The following SHB variants were observed in gnomAD, a reference collection of about 807,000 sequenced individuals.
SHB encodes SH2 domain-containing adapter protein B.
Under a neutral mutation model 52.3 loss-of-function variants are expected in SHB, and 20 were observed. The observed-to-expected ratio is 0.38, with a 90% CI of 0.27 to 0.56. The LOEUF is 0.56. Ranked by LOEUF, SHB falls within the 20% of genes least tolerant of loss-of-function variation. The probability of loss-of-function intolerance (pLI) is 0.71; values close to 1 mark genes in which losing one functional copy is unlikely to be tolerated. For synonymous variants in SHB, 397 were observed against 316.5 expected (o/e 1.25, Z -2.70); for missense variants, 825 against 723.3 (o/e 1.14, Z -1.61).
intron 2 of SHB, among the ~76,000 whole-genome samples, chr9:37,975,978 G>C (rs944712679): frequency 1.3e-5 from 2 of 152,200 alleles, no homozygotes; most frequent in African/African-American, 4.8e-5. Flanking sequence ...GAACGTGCTT[G>C]CTGCCTACTT....
In SHB at chr9:38,068,096, G is replaced by A. The variant is rs962381538; in HGVS notation, c.550C>T (p.Arg184Cys). 1.3e-6 allele frequency: 2 copies of A among 1,484,778 alleles called. No homozygotes were observed. Among genetic ancestry groups the A allele is most frequent in the African/African-American group, 1.5e-5 (1 of 68,212 alleles). 92.0% of individuals were successfully genotyped at this position (1,484,778 alleles called of 1,614,324 possible). Residue 184 changes from arginine (R) to cysteine (C), a missense_variant, in exon 1 of 6, where the codon CGC (arginine) becomes TGC (cysteine). Physicochemically the swap from Arg to Cys is radical, Grantham distance 180. Transcript: ENST00000377707. The stretch of plus-strand genomic sequence containing the variant: ...GCGGCGCTCTCCACTTTGATGAGGC[G>A]GTGCTTGGGGGAGATGTAGCGCACC... ...AEVRYISPKH[R>C]LIKVESAAGG...
intron 1 of SHB, among the ~76,000 whole-genome samples, chr9:38,062,220 T>C (rs1263940673): frequency 6.6e-6 from 1 of 152,238 alleles, no homozygotes; most frequent in Non-Finnish European, 1.5e-5. Context: ...AACTCAAGAC[T>C]GCACTGGTGT....
intron 3 of SHB, among the ~76,000 whole-genome samples, chr9:37,973,421 C>T (rs993171933): frequency 6.6e-6 from 1 of 152,112 alleles, no homozygotes. Flanking sequence ...TAGGGTTTCT[C>T]CATGTTGGTC....
Position 37,948,726 on chromosome 9 carries a change from C to G in SHB, c.1255G>C (p.Asp419His), listed in dbSNP as rs1178500649. 6.2e-7 allele frequency: 1 copy of G among 1,613,934 alleles called. No homozygotes were observed. ...CAGAGTCGCAGCAGGTTCTCGGCGT[C>G]TCCTCTGCTGATGGCTCCGTGATAC... ...IWYHGAISRG[D>H]AENLLRLCKE... Residue 419 changes from aspartate (D) to histidine (H), a missense_variant, in exon 5 of 6, where the codon GAC (aspartate) becomes CAC (histidine). By Grantham distance (81) the Asp-to-His change is moderately conservative. Coordinates refer to ENST00000377707, the MANE Select transcript of SHB (RefSeq NM_003028.3).
intron 1 of SHB, among the ~76,000 whole-genome samples, chr9:38,046,545 T>A (rs938202996): frequency 2.0e-5 from 3 of 152,202 alleles, no homozygotes; most frequent in Non-Finnish European, 1.5e-5. Flanking sequence ...GGGTGGTCAA[T>A]CTTCCATACT....
At chr9:37,954,869 G>A (rs1466541918) in intron 4 of SHB, among the ~76,000 whole-genome samples, 2 of 152,120 alleles carry the variant, frequency 1.3e-5, no homozygotes, top group East Asian at 3.9e-4. Flanking sequence ...ATTTGGCAGA[G>A]CAGGGAGATG....
rs1822014613 is a variant in SHB, at chr9:38,068,770, C to A, written c.-125G>T. ...CGGCGGGGGGCGTCCGGGGCGCCCG[C>A]TCCCGACGCCAAGTTCAAGTTCTTG... On this transcript the variant is annotated 5_prime_UTR_variant, in exon 1 of 6. Transcript: ENST00000377707. 8.2e-6 allele frequency: 2 copies of A among 243,582 alleles called. No homozygotes were observed. Among genetic ancestry groups the A allele is most frequent in the Admixed American group, 6.3e-5 (1 of 15,980 alleles). 15.1% of individuals were successfully genotyped at this position (243,582 alleles called of 1,614,324 possible).
At chr9:37,948,538 A>T in intron 5 of SHB, 97 bp downstream of exon 5, 2 of 1,463,412 alleles carry the variant, frequency 1.4e-6, no homozygotes, top group Non-Finnish European at 1.9e-6. Flanking sequence ...CAAGTTTCCC[A>T]GGGGACACTG....
At chr9:38,039,112 T>G (rs1231729739) in intron 1 of SHB, among the ~76,000 whole-genome samples, 1 of 152,168 alleles carries the variant, frequency 6.6e-6, no homozygotes, top group Non-Finnish European at 1.5e-5. Flanking sequence ...AACATTTTCT[T>G]CCCCGGAAAA....
rs199557662 is a variant in SHB, at chr9:37,923,789, TC to T, written c.1347-3786del. On this transcript the variant is annotated intron_variant, in intron 5 of 5. Coordinates refer to ENST00000377707, the MANE Select transcript of SHB (RefSeq NM_003028.3). ...AAGCAGCCTGGGGGTCACCTCTCAC[TC>T]CCCTGGGGTACCGTGGAGGAAACTG... 8.5e-3 allele frequency among the ~76,000 whole-genome samples: 1,290 copies of T among 152,184 alleles called. 10 individuals carry two copies. Among genetic ancestry groups the T allele is most frequent in the Admixed American group, 0.029 (450 of 15,302 alleles).
intron 4 of SHB, 35 bp downstream of exon 4, chr9:37,955,848 G>C: frequency 6.3e-7 from 1 of 1,594,800 alleles, no homozygotes; most frequent in Non-Finnish European, 8.6e-7. Context: ...AGGTGAACTG[G>C]GAGGTGAGGT....
intron 2 of SHB, among the ~76,000 whole-genome samples, chr9:38,012,379 T>C (rs1012946056): frequency 6.6e-6 from 1 of 152,072 alleles, no homozygotes; most frequent in Non-Finnish European, 1.5e-5. Flanking sequence ...TGTGCCTTGG[T>C]TTCTCCATTA....
intron 5 of SHB, among the ~76,000 whole-genome samples, chr9:37,938,732 T>A (rs970372959): frequency 2.0e-5 from 3 of 152,298 alleles, no homozygotes; most frequent in Non-Finnish European, 1.5e-5. Context: ...CACTGCTCCA[T>A]CCCTGGCTCA....
rs542557877 is a variant in SHB at position 38,019,474 on chromosome 9, T to C, written c.718-3343A>G. ...TTTTTATCTTAGAAACTTCACTTTG[T>C]GATAGGAAGTAGTCTGCAGCTGTTC... On this transcript the variant is annotated intron_variant, in intron 1 of 5. Coordinates refer to ENST00000377707, the MANE Select transcript of SHB (RefSeq NM_003028.3). Among the ~76,000 whole-genome samples the C allele has an allele frequency of 5.4e-4, 83 of 152,324 alleles. 2 individuals are homozygous for C. Among genetic ancestry groups the C allele is most frequent in the Admixed American group, 2.8e-3 (43 of 15,312 alleles).
intron 1 of SHB, among the ~76,000 whole-genome samples, chr9:38,024,236 A>C (rs115031736): frequency 3.0e-3 from 457 of 152,308 alleles, no homozygotes; most frequent in African/African-American, 0.01. Context: ...ATCACCACTA[A>C]AGTGTCTTCC....
chr9:38,039,369 AAGC>A (rs1320622718), intron 1 of SHB, among the ~76,000 whole-genome samples: 1 of 152,254 alleles, frequency 6.6e-6, no homozygotes, highest in African/African-American at 2.4e-5. Context: ...CAAGACTTTA[AAGC>A]GCAGTGGGAA....
intron 3 of SHB, among the ~76,000 whole-genome samples, chr9:37,968,949 A>G (rs1484812635): frequency 6.6e-6 from 1 of 152,122 alleles, no homozygotes; most frequent in Non-Finnish European, 1.5e-5. Flanking sequence ...TGGTGGTAGG[A>G]GAAGACCAAC....
intron 1 of SHB, among the ~76,000 whole-genome samples, chr9:38,035,612 C>A (rs1160477567): frequency 1.3e-5 from 2 of 152,116 alleles, no homozygotes; most frequent in Non-Finnish European, 2.9e-5. Flanking sequence ...CAGCAATGCC[C>A]ACGGTGGGGT....
intron 5 of SHB, among the ~76,000 whole-genome samples, chr9:37,948,305 G>A (rs2117890507): frequency 6.6e-6 from 1 of 152,282 alleles, no homozygotes; most frequent in African/African-American, 2.4e-5. Context: ...AAAATCAAAG[G>A]ACCATCGTCG....
Sources: gnomAD v4.1 joint callset for allele counts (sites outside exome capture counted in the v4.1 genomes callset) on GRCh38, gnomAD v4.1.1 for gene constraint, MANE v1.5 for transcripts, NCBI Gene and HGNC (gene_info 2026-07-23, HGNC 2026-07-21) for gene names.